Variants in ANKS1B observed in about 807,000 individuals in gnomAD.
The protein encoded by ANKS1B is ankyrin repeat and sterile alpha motif domain-containing protein 1B.
Under a neutral mutation model 148.3 loss-of-function variants are expected in ANKS1B, and 36 were observed. The observed-to-expected ratio is 0.24, with a 90% CI of 0.19 to 0.32. The LOEUF is 0.32. ANKS1B is among the 10% of genes least tolerant of loss of function. The pLI is 1.00. For missense variants in ANKS1B, 1,157 were observed against 1,542.6 expected, an observed-to-expected ratio of 0.75 and a Z score of 4.19; for synonymous variants, 542 against 560.8, an observed-to-expected ratio of 0.97 and a Z score of 0.47.
In ANKS1B at chr12:99,247,701, A is replaced by G. The variant is rs148541697; in HGVS notation, c.1757-837T>C. The stretch of plus-strand genomic sequence containing the variant: ...TTTTCTCTGAGATTTAAAATACACC[A>G]TGCTTTTTGCGACTTAATTTGTCTT... On this transcript the variant is annotated intron_variant, in intron 12 of 26. Transcript: ENST00000683438. Among the ~76,000 whole-genome samples, 1,299 of 152,302 alleles carry G rather than the reference A, an allele frequency of 8.5e-3. 22 individuals carry two copies. Among genetic ancestry groups the G allele is most frequent in the South Asian group, 0.05 (240 of 4,832 alleles).
chr12:99,963,934 G>A (rs1257798354), intron 1 of ANKS1B, among the ~76,000 whole-genome samples: 2 of 152,164 alleles, frequency 1.3e-5, no homozygotes, highest in Non-Finnish European at 2.9e-5. Flanking sequence ...CTTCTTCAGT[G>A]AATGACAGTT....
chr12:99,822,089 A>G (rs2082579515), intron 2 of ANKS1B, among the ~76,000 whole-genome samples: 1 of 152,140 alleles, frequency 6.6e-6, no homozygotes, highest in Non-Finnish European at 1.5e-5. Context: ...ATGATTCTCT[A>G]AACAGGCTGA....
chr12:99,006,477 C>T (rs1427089310), intron 17 of ANKS1B, among the ~76,000 whole-genome samples: 1 of 152,140 alleles, frequency 6.6e-6, no homozygotes, highest in African/African-American at 2.4e-5. Context: ...TTCCTATAAA[C>T]ATTTATCTGG....
chr12:99,907,824 A>AC (rs1489576066), intron 1 of ANKS1B, among the ~76,000 whole-genome samples: 2 of 150,628 alleles, frequency 1.3e-5, no homozygotes, highest in African/African-American at 4.8e-5. Context: ...AAAAAAAAAA[A>AC]AAAAAAAAAA....
rs897917978 is a variant in ANKS1B, at chr12:99,646,527, G to A, written c.1272+8540C>T. 7.2e-5 allele frequency among the ~76,000 whole-genome samples: 11 copies of A among 151,884 alleles called. No individual in the cohort carries two copies. In the East Asian group the frequency reaches 1.4e-3, roughly 19 times the overall value. On this transcript the variant is annotated intron_variant, in intron 9 of 26. Coordinates refer to ENST00000683438, the MANE Select transcript of ANKS1B (RefSeq NM_001352186.2). ...AAATTAGCCGGGCGTGGTGGCACACGCCTGTAGTCCCAGCTACTAGGAAAG... is the reference window on the plus strand; with the variant it reads ...AAATTAGCCGGGCGTGGTGGCACACACCTGTAGTCCCAGCTACTAGGAAAG...
chr12:99,130,598 C>G (rs2065816486), intron 15 of ANKS1B, among the ~76,000 whole-genome samples: 1 of 152,182 alleles, frequency 6.6e-6, no homozygotes, highest in East Asian at 1.9e-4. Flanking sequence ...TCCCTCTCTA[C>G]TCATCCTCTA....
At chr12:99,292,715 G>C (rs1335999174) in intron 12 of ANKS1B, among the ~76,000 whole-genome samples, 1 of 152,084 alleles carries the variant, frequency 6.6e-6, no homozygotes, top group Non-Finnish European at 1.5e-5. Flanking sequence ...CTTCTCAAAA[G>C]AAAACATCTA....
intron 8 of ANKS1B, among the ~76,000 whole-genome samples, chr12:99,740,078 G>C (rs1016060322): frequency 6.6e-6 from 1 of 152,152 alleles, no homozygotes; most frequent in African/African-American, 2.4e-5. Flanking sequence ...TGGAGACAGA[G>C]GCAAGAGAAT....
chr12:99,696,844 G>A (rs372528916), intron 8 of ANKS1B, among the ~76,000 whole-genome samples: 2 of 152,056 alleles, frequency 1.3e-5, no homozygotes, highest in African/African-American at 4.8e-5. Flanking sequence ...ATAAAGGACT[G>A]GTATTCAAAA....
chr12:99,530,640 A>G (rs1420844220), intron 9 of ANKS1B, among the ~76,000 whole-genome samples: 1 of 152,102 alleles, frequency 6.6e-6, no homozygotes, highest in African/African-American at 2.4e-5. Context: ...ATTTTAAAAT[A>G]ATAAATATGG....
intron 9 of ANKS1B, among the ~76,000 whole-genome samples, chr12:99,571,899 C>T (rs1168957726): frequency 6.6e-6 from 1 of 152,118 alleles, no homozygotes; most frequent in Non-Finnish European, 1.5e-5. Context: ...AAGTATTTTA[C>T]CTGACTCTCT....
At chr12:99,704,374 A>G (rs1429490110) in intron 8 of ANKS1B, among the ~76,000 whole-genome samples, 2 of 152,144 alleles carry the variant, frequency 1.3e-5, no homozygotes, top group Non-Finnish European at 2.9e-5. Context: ...ATTAAAAAAT[A>G]GAATGAAATG....
chr12:98,928,284 TA>T, intron 17 of ANKS1B, among the ~76,000 whole-genome samples: 1 of 148,940 alleles, frequency 6.7e-6, no homozygotes, highest in South Asian at 2.3e-4. Flanking sequence ...ATTGGATTCG[TA>T]ATTAAAAAAA....
chr12:99,723,024 CAGA>C (rs1409596173), intron 8 of ANKS1B, among the ~76,000 whole-genome samples: 2 of 152,230 alleles, frequency 1.3e-5, no homozygotes, highest in Non-Finnish European at 2.9e-5. Flanking sequence ...ACCTCCTGAT[CAGA>C]AGATCTCACT....
chr12:99,638,599 A>G (rs2098268123), intron 9 of ANKS1B, among the ~76,000 whole-genome samples: 1 of 152,158 alleles, frequency 6.6e-6, no homozygotes, highest in South Asian at 2.1e-4. Context: ...AAAGTTTAGA[A>G]TATTTGCAGC....
At chr12:98,895,615 A>T (rs578071540) in intron 17 of ANKS1B, among the ~76,000 whole-genome samples, 1 of 152,234 alleles carries the variant, frequency 6.6e-6, no homozygotes, top group Admixed American at 6.5e-5. Context: ...CTCCTGTGGG[A>T]CTTGCGTTCC....
chr12:99,078,780 T>C (rs2048694130), intron 16 of ANKS1B, among the ~76,000 whole-genome samples: 2 of 139,648 alleles, frequency 1.4e-5, no homozygotes, highest in Admixed American at 7.2e-5. Context: ...CCCCACCGTC[T>C]GGTATTCACG....
intron 1 of ANKS1B, among the ~76,000 whole-genome samples, chr12:99,967,263 CTTTAACCA>C: frequency 6.6e-6 from 1 of 152,218 alleles, no homozygotes; most frequent in Non-Finnish European, 1.5e-5. Flanking sequence ...TATAAATTAT[CTTTAACCA>C]TTCCAACTCT....
intron 12 of ANKS1B, among the ~76,000 whole-genome samples, chr12:99,350,365 GA>G (rs955605605): frequency 5.3e-5 from 8 of 151,898 alleles, no homozygotes; most frequent in African/African-American, 1.9e-4. Context: ...TGCAAGAGTG[GA>G]GTAATACAGC....
Sources: allele counts gnomAD v4.1 joint callset (sites outside exome capture counted in the v4.1 genomes callset), GRCh38; gene constraint gnomAD v4.1.1; transcripts MANE v1.5; gene names NCBI Gene and HGNC (gene_info 2026-07-23, HGNC 2026-07-21).